Variants in ENTREP2 observed in about 807,000 individuals in gnomAD.
ENTREP2 encodes protein ENTREP2.
At chr15:29,162,658 G>C in the ENTREP2 span, among the ~76,000 whole-genome samples, 2 of 152,000 alleles carry the variant, frequency 1.3e-5, no homozygotes, top group South Asian at 2.1e-4. Flanking sequence ...CAGCAAGACC[G>C]GTCCAAAGAG....
chr15:29,328,077 A>G, the ENTREP2 span, among the ~76,000 whole-genome samples: 25 of 152,254 alleles, frequency 1.6e-4, no homozygotes, highest in African/African-American at 5.8e-4. Flanking sequence ...TGGTACATCT[A>G]CATAATGAAA....
At chr15:29,221,330 T>C in the ENTREP2 span, among the ~76,000 whole-genome samples, 1 of 152,060 alleles carries the variant, frequency 6.6e-6, no homozygotes, top group African/African-American at 2.4e-5. Flanking sequence ...GCCTCCCAAG[T>C]AGCTGGGATT....
At chr15:29,220,861 C>T in the ENTREP2 span, among the ~76,000 whole-genome samples, 1 of 151,764 alleles carries the variant, frequency 6.6e-6, no homozygotes, top group Non-Finnish European at 1.5e-5. Flanking sequence ...AGATATTTCA[C>T]CTTTATTTTG....
At chr15:29,244,759 G>A in the ENTREP2 span, among the ~76,000 whole-genome samples, 45 of 152,270 alleles carry the variant, frequency 3.0e-4, no homozygotes, top group African/African-American at 9.9e-4. Context: ...ATGGAGCTGC[G>A]GGACCTCCCA....
At chr15:29,599,596 G>A in the ENTREP2 span, among the ~76,000 whole-genome samples, 4 of 152,150 alleles carry the variant, frequency 2.6e-5, no homozygotes, top group African/African-American at 7.2e-5. Flanking sequence ...TCCTCATGTG[G>A]AAACTGGTCA....
the ENTREP2 span, among the ~76,000 whole-genome samples, chr15:29,476,715 C>T: frequency 0.25 from 38,031 of 152,084 alleles, 4,984 homozygotes; most frequent in East Asian, 0.39. Context: ...ACGAGTGAGT[C>T]TCTCACACTT....
At chr15:29,302,721 A>G in the ENTREP2 span, among the ~76,000 whole-genome samples, 4 of 152,214 alleles carry the variant, frequency 2.6e-5, no homozygotes, top group African/African-American at 7.2e-5. Context: ...GTTTCCCGCA[A>G]GAAAGAAGAA....
At chr15:29,223,884 C>T in the ENTREP2 span, among the ~76,000 whole-genome samples, 1 of 152,186 alleles carries the variant, frequency 6.6e-6, no homozygotes, top group African/African-American at 2.4e-5. Context: ...AGAGGACTGA[C>T]AGACGTCCCA....
the ENTREP2 span, among the ~76,000 whole-genome samples, chr15:29,633,462 G>A: frequency 6.6e-6 from 1 of 152,032 alleles, no homozygotes; most frequent in Non-Finnish European, 1.5e-5. Context: ...TGATGTTGGG[G>A]GGGGCGGGCA....
At chr15:29,441,567 T>A in the ENTREP2 span, among the ~76,000 whole-genome samples, 2 of 152,336 alleles carry the variant, frequency 1.3e-5, no homozygotes, top group African/African-American at 4.8e-5. Context: ...TGTGTGTGTG[T>A]GAGAATATAC....
the ENTREP2 span, among the ~76,000 whole-genome samples, chr15:29,354,348 C>T: frequency 6.6e-6 from 1 of 152,304 alleles, no homozygotes; most frequent in South Asian, 2.1e-4. Flanking sequence ...TGTGGGACTT[C>T]TTGGCCTTCA....
At chr15:29,194,535 C>G in the ENTREP2 span, among the ~76,000 whole-genome samples, 22 of 152,314 alleles carry the variant, frequency 1.4e-4, no homozygotes, top group Admixed American at 1.4e-3. Context: ...TGGGGATGTG[C>G]CATGCATTCA....
chr15:29,316,133 C>A, the ENTREP2 span, among the ~76,000 whole-genome samples: 4 of 151,984 alleles, frequency 2.6e-5, no homozygotes, highest in Non-Finnish European at 5.9e-5. Context: ...AAAATTAAAT[C>A]AAAAATTAAT....
At chr15:29,306,078 A>C in the ENTREP2 span, among the ~76,000 whole-genome samples, 1 of 152,254 alleles carries the variant, frequency 6.6e-6, no homozygotes, top group Non-Finnish European at 1.5e-5. Context: ...GGATTTGGCC[A>C]TATGAGGGCC....
At chr15:29,622,276 G>C in the ENTREP2 span, among the ~76,000 whole-genome samples, 25 of 152,048 alleles carry the variant, frequency 1.6e-4, no homozygotes, top group African/African-American at 6.0e-4. Context: ...CATGATCTCG[G>C]CTTACTGCAA....
the ENTREP2 span, among the ~76,000 whole-genome samples, chr15:29,566,108 G>A: frequency 1.3e-5 from 2 of 152,092 alleles, no homozygotes; most frequent in East Asian, 1.9e-4. Flanking sequence ...TGGGGTAGGC[G>A]AAAGCTATAC....
At chr15:29,164,810 A>T in the ENTREP2 span, among the ~76,000 whole-genome samples, 3 of 152,190 alleles carry the variant, frequency 2.0e-5, no homozygotes, top group African/African-American at 7.2e-5. Flanking sequence ...GATTTAAACT[A>T]TACCTTGGAA....
At chr15:29,409,448 C>T in the ENTREP2 span, among the ~76,000 whole-genome samples, 1 of 151,966 alleles carries the variant, frequency 6.6e-6, no homozygotes, top group African/African-American at 2.4e-5. Context: ...GCCTCAGCCT[C>T]CTGAGTAGCT....
At chr15:29,601,531 A>G in the ENTREP2 span, among the ~76,000 whole-genome samples, 1 of 151,402 alleles carries the variant, frequency 6.6e-6, no homozygotes, top group Non-Finnish European at 1.5e-5. Context: ...TTTATTGTCA[A>G]TAAGTCCTTC....
Sources: gnomAD v4.1 joint callset for allele counts (sites outside exome capture counted in the v4.1 genomes callset) on GRCh38, gnomAD v4.1.1 for gene constraint, MANE v1.5 for transcripts, NCBI Gene and HGNC (gene_info 2026-07-23, HGNC 2026-07-21) for gene names.